The following LAYN variants were observed in gnomAD, a reference collection of about 807,000 sequenced individuals.
LAYN encodes layilin.
LAYN carries 38 observed loss-of-function variants against 43.6 expected under a neutral mutation model. The observed-to-expected ratio is 0.87, with a 90% confidence interval of 0.67 to 1.14. LAYN has a LOEUF of 1.14. LAYN is among the 50% of genes most tolerant of loss of function. LAYN has a pLI of 0.00. For synonymous variants in LAYN, 168 were observed against 172.9 expected (o/e 0.97, Z 0.22); for missense variants, 479 against 463.8 (o/e 1.03, Z -0.30).
At chr11:111,550,625 GTT>G (rs1238458073) in intron 3 of LAYN, among the ~76,000 whole-genome samples, 1 of 152,150 alleles carries the variant, frequency 6.6e-6, no homozygotes, top group Non-Finnish European at 1.5e-5. Context: ...GCTAAAAGAT[GTT>G]TTTCTCTCTC....
chr11:111,559,498 T>A (rs1355332272), intron 6 of LAYN, among the ~76,000 whole-genome samples: 1 of 152,098 alleles, frequency 6.6e-6, no homozygotes, highest in Non-Finnish European at 1.5e-5. Context: ...AGGGTCTCAC[T>A]CTGTCGCCCA....
At chr11:111,550,780 A>G (rs1204750599) in intron 3 of LAYN, among the ~76,000 whole-genome samples, 1 of 152,198 alleles carries the variant, frequency 6.6e-6, no homozygotes, top group Non-Finnish European at 1.5e-5. Flanking sequence ...CACTTGTTAC[A>G]TACTGGCTTT....
At chr11:111,557,126 C>T (rs1438266719) in intron 5 of LAYN, among the ~76,000 whole-genome samples, 4 of 151,838 alleles carry the variant, frequency 2.6e-5, no homozygotes, top group Non-Finnish European at 2.9e-5. Context: ...ACTGCCCCAG[C>T]GGCCCCTGCT....
At chr11:111,545,426 G>C (rs1309908365) in intron 2 of LAYN, among the ~76,000 whole-genome samples, 1 of 152,140 alleles carries the variant, frequency 6.6e-6, no homozygotes, top group Non-Finnish European at 1.5e-5. Flanking sequence ...TCATGCTAGA[G>C]TTAGTGCACT....
rs114724683 is a variant in LAYN, at chr11:111,546,500, C to A, written c.383+2280C>A. Among the ~76,000 whole-genome samples, 822 of 152,360 alleles carry A rather than the reference C, an allele frequency of 5.4e-3. 8 individuals are homozygous for A. Among genetic ancestry groups the A allele is most frequent in the African/African-American group, 0.019 (774 of 41,596 alleles). On this transcript the variant is annotated intron_variant, in intron 2 of 6. Coordinates refer to ENST00000375614, the MANE Select transcript of LAYN (RefSeq NM_178834.5). ...CAGCTGCTGTCCATTTCACTGTGTA[C>A]TCCCATACTTAGCTGACCTACCCTT... is the stretch of plus-strand genomic sequence containing the variant.
chr11:111,557,386 C>T (rs1487326329), intron 5 of LAYN, among the ~76,000 whole-genome samples, 155 bp from the exon 6 acceptor site: 2 of 152,084 alleles, frequency 1.3e-5, no homozygotes, highest in Non-Finnish European at 2.9e-5. Flanking sequence ...GTTGATTAGC[C>T]TTTTCCTTTG....
At chr11:111,556,863 T>A (rs1019539217) in intron 5 of LAYN, among the ~76,000 whole-genome samples, 1 of 152,156 alleles carries the variant, frequency 6.6e-6, no homozygotes, top group African/African-American at 2.4e-5. Context: ...ACATCTTTGG[T>A]TCTAAGTCTT....
In LAYN at chr11:111,561,506, A is replaced by T. The variant is rs1867957453; in HGVS notation, c.*1048A>T. On this transcript the variant is annotated 3_prime_UTR_variant, in exon 7 of 7. Coordinates refer to ENST00000375614, the MANE Select transcript of LAYN (RefSeq NM_178834.5). ...ACATAACATGACTAATAATGATGACAGTTCTACCTTTTGTTGACAGACCTC... is the reference window on the plus strand; with the variant it reads ...ACATAACATGACTAATAATGATGACTGTTCTACCTTTTGTTGACAGACCTC... 6.6e-6 allele frequency: 1 copy of T among 152,226 alleles called. No individual in the cohort carries two copies. The allele number at this position is 152,226 out of a possible 1,614,324, so 9.4% of individuals were successfully genotyped here.
chr11:111,544,008 G>A lies in LAYN; in HGVS notation c.171G>A (p.Glu57=). The A allele has an allele frequency of 6.2e-7, 1 of 1,614,200 alleles. No individual in the cohort carries two copies. The highest frequency in any genetic ancestry group is 8.5e-7 in the Non-Finnish European group (1 of 1,180,036). ...ATACTTCTCGAAGACTGAACTTTGA[G>A]GAAGCCAAAGAAGCCTGCAGGAGGG... is the stretch of plus-strand genomic sequence containing the variant. ...FHDTSRRLNF[E]EAKEACRRDG... The change falls in exon 2 of 7, where the codon GAG becomes GAA. Residue 57 remains glutamate (E), a synonymous_variant. Coordinates refer to ENST00000375614, the MANE Select transcript of LAYN (RefSeq NM_178834.5).
chr11:111,541,771 T>C (rs1052066228), intron 1 of LAYN, among the ~76,000 whole-genome samples: 2 of 152,022 alleles, frequency 1.3e-5, no homozygotes, highest in African/African-American at 4.8e-5. Flanking sequence ...GTAAAGTTGG[T>C]TTCAGGATGG....
intron 5 of LAYN, 96 bp from the exon 6 acceptor site, chr11:111,557,445 T>C: frequency 2.1e-6 from 2 of 966,268 alleles, no homozygotes; most frequent in South Asian, 2.8e-5. Context: ...GTACAAGTGG[T>C]TTTTGACGAT....
intron 3 of LAYN, chr11:111,551,251 G>C: frequency 2.3e-6 from 1 of 442,756 alleles, no homozygotes; most frequent in Non-Finnish European, 4.5e-6. Context: ...GCTGACGTGG[G>C]ATGGGGGCAT....
rs1254959590 is a variant in LAYN, at chr11:111,560,524, T to C, written c.*66T>C. The C allele has an allele frequency of 1.3e-6, 2 of 1,491,794 alleles. No homozygotes were observed. Among genetic ancestry groups the C allele is most frequent in the Non-Finnish European group, 1.8e-6 (2 of 1,103,400 alleles). The allele number at this position is 1,491,794 out of a possible 1,614,324, so 92.4% of individuals were successfully genotyped here. A position where few individuals can be genotyped will look rare whatever the true frequency, so the allele number is the denominator to read the frequency against. ...TGATAAGCAAAATCCTCTTATTTTCTATAAGGAAAATACACAGAAGGTCTA... is the reference window on the plus strand; with the variant it reads ...TGATAAGCAAAATCCTCTTATTTTCCATAAGGAAAATACACAGAAGGTCTA... On this transcript the variant is annotated 3_prime_UTR_variant, in exon 7 of 7. Transcript: ENST00000375614.
chr11:111,554,636 A>T (rs1376441141), intron 4 of LAYN, 43 bp downstream of exon 4: 2 of 1,542,796 alleles, frequency 1.3e-6, no homozygotes, highest in Non-Finnish European at 9.0e-7. Flanking sequence ...GGGCTGTTTC[A>T]TAGCCCCTCT....
At chr11:111,557,026 C>G (rs1043075838) in intron 5 of LAYN, among the ~76,000 whole-genome samples, 2 of 152,136 alleles carry the variant, frequency 1.3e-5, no homozygotes, top group Non-Finnish European at 2.9e-5. Context: ...GGTAATGACA[C>G]TGAAACTTCT....
chr11:111,557,250 A>G (rs558595045), intron 5 of LAYN, among the ~76,000 whole-genome samples: 3 of 152,186 alleles, frequency 2.0e-5, no homozygotes, highest in Non-Finnish European at 4.4e-5. Flanking sequence ...ATTTAAACTG[A>G]TTTTCATTAT....
intron 6 of LAYN, among the ~76,000 whole-genome samples, 170 bp downstream of exon 6, chr11:111,557,813 G>A (rs142934820): frequency 1.2e-3 from 188 of 152,304 alleles, no homozygotes; most frequent in African/African-American, 4.3e-3. Flanking sequence ...CTAGGCATTT[G>A]TGCTTAGTTG....
intron 1 of LAYN, among the ~76,000 whole-genome samples, chr11:111,543,095 G>T (rs1454257424): frequency 6.6e-6 from 1 of 152,172 alleles, no homozygotes; most frequent in Non-Finnish European, 1.5e-5. Flanking sequence ...GCAGCGGGGA[G>T]CTAGCAATTT....
intron 2 of LAYN, among the ~76,000 whole-genome samples, chr11:111,545,449 A>T (rs72645435): frequency 0.02 from 3,028 of 152,280 alleles, 63 homozygotes; most frequent in East Asian, 0.082. Flanking sequence ...TCTATTGACC[A>T]TCAAAATTGG....
Sources: allele counts gnomAD v4.1 joint callset (sites outside exome capture counted in the v4.1 genomes callset), GRCh38; gene constraint gnomAD v4.1.1; transcripts MANE v1.5; gene names NCBI Gene and HGNC (gene_info 2026-07-23, HGNC 2026-07-21).